MACROD2: variants seen among roughly 807,000 people sequenced by gnomAD.
MACROD2 encodes ADP-ribose glycohydrolase MACROD2.
A neutral mutation model predicts 70.4 loss-of-function variants in MACROD2; 36 were observed. The ratio of observed to expected loss-of-function variants is 0.51; its 90% CI spans 0.39 to 0.68. The LOEUF is 0.68. Ranked by LOEUF, MACROD2 falls within the 30% of genes least tolerant of loss-of-function variation. The pLI, the probability that MACROD2 is intolerant of heterozygous loss-of-function variation, is 0.00. For synonymous variants in MACROD2, 172 were observed against 178.8 expected, an observed-to-expected ratio of 0.96 and a Z score of 0.30; for missense variants, 496 against 538.4, an observed-to-expected ratio of 0.92 and a Z score of 0.78.
At chr20:15,495,812 A>G (rs2047289964) in intron 7 of MACROD2, among the ~76,000 whole-genome samples, 1 of 152,344 alleles carries the variant, frequency 6.6e-6, no homozygotes, top group East Asian at 1.9e-4. Flanking sequence ...GGTACATGGT[A>G]TTATGAAAAC....
chr20:14,557,051 G>C (rs940099429), intron 4 of MACROD2, among the ~76,000 whole-genome samples: 9 of 151,772 alleles, frequency 5.9e-5, no homozygotes, highest in African/African-American at 4.8e-5. Flanking sequence ...ATAGAATTAA[G>C]AGTCCAGAAA....
At chr20:14,813,172 A>T (rs1016776262) in intron 5 of MACROD2, among the ~76,000 whole-genome samples, 7 of 151,718 alleles carry the variant, frequency 4.6e-5, no homozygotes, top group Admixed American at 6.6e-5. Context: ...GAAAATTAAT[A>T]ATTTCTTTTT....
chr20:15,535,022 C>G (rs1293448391), intron 8 of MACROD2, among the ~76,000 whole-genome samples: 2 of 152,054 alleles, frequency 1.3e-5, no homozygotes, highest in African/African-American at 4.8e-5. Context: ...GTCACGCAGG[C>G]TGAAATACAG....
chr20:15,605,454 G>A (rs1279455817), intron 8 of MACROD2, among the ~76,000 whole-genome samples: 1 of 28,268 alleles, frequency 3.5e-5, no homozygotes, highest in Non-Finnish European at 6.1e-5. Context: ...GGATGTAAGC[G>A]TGTGTGTGTG....
chr20:15,101,761 A>T (rs984670977), intron 5 of MACROD2, among the ~76,000 whole-genome samples: 1 of 151,990 alleles, frequency 6.6e-6, no homozygotes, highest in African/African-American at 2.4e-5. Flanking sequence ...GTAATTTATA[A>T]TCTTAGAAGA....
intron 2 of MACROD2, among the ~76,000 whole-genome samples, chr20:14,008,429 C>G (rs1162586953): frequency 6.6e-6 from 1 of 152,118 alleles, no homozygotes; most frequent in East Asian, 1.9e-4. Context: ...AGTGAAGGAT[C>G]TCTTCAAGGA....
chr20:14,100,584 G>T (rs2054285049), intron 3 of MACROD2, among the ~76,000 whole-genome samples: 1 of 139,598 alleles, frequency 7.2e-6, no homozygotes, highest in African/African-American at 2.6e-5. Context: ...TCCCTATAGG[G>T]GATTTTAGAG....
intron 10 of MACROD2, among the ~76,000 whole-genome samples, chr20:15,910,279 C>T (rs1488889485): frequency 6.6e-6 from 1 of 152,094 alleles, no homozygotes; most frequent in African/African-American, 2.4e-5. Context: ...TCAGTGGCAC[C>T]AAGCGTTATT....
chr20:14,566,114 C>T (rs1001951512), intron 4 of MACROD2, among the ~76,000 whole-genome samples: 4 of 151,692 alleles, frequency 2.6e-5, no homozygotes, highest in South Asian at 2.1e-4. Flanking sequence ...ATTTGTAACT[C>T]GTGTGATAAA....
intron 5 of MACROD2, among the ~76,000 whole-genome samples, chr20:15,105,701 C>T (rs2075905466): frequency 6.6e-6 from 1 of 152,034 alleles, no homozygotes; most frequent in Admixed American, 6.6e-5. Context: ...TTCTGAACTC[C>T]CGGCACTAGA....
intron 12 of MACROD2, among the ~76,000 whole-genome samples, chr20:15,945,138 AT>A (rs1214956509): frequency 1.3e-5 from 2 of 152,218 alleles, no homozygotes; most frequent in Non-Finnish European, 2.9e-5. Flanking sequence ...TACCTAAAAA[AT>A]ATTTAGCATT....
chr20:14,228,476 T>C (rs555221821), intron 3 of MACROD2, among the ~76,000 whole-genome samples: 12 of 152,182 alleles, frequency 7.9e-5, no homozygotes, highest in African/African-American at 2.9e-4. Context: ...TAGCTGGGAC[T>C]ACGGGCATGT....
At chr20:14,765,980 T>A (rs1050013208) in intron 5 of MACROD2, among the ~76,000 whole-genome samples, 16 of 152,114 alleles carry the variant, frequency 1.1e-4, no homozygotes, top group African/African-American at 3.6e-4. Flanking sequence ...AAGCAGCACC[T>A]TAATCCACAT....
At chr20:15,216,313 A>C (rs551782099) in intron 5 of MACROD2, among the ~76,000 whole-genome samples, 66 of 152,252 alleles carry the variant, frequency 4.3e-4, no homozygotes, top group African/African-American at 1.5e-3. Flanking sequence ...GTACCCCAGA[A>C]ATATATACAC....
chr20:14,189,156 A>G (rs949252679), intron 3 of MACROD2, among the ~76,000 whole-genome samples: 3 of 152,104 alleles, frequency 2.0e-5, no homozygotes, highest in African/African-American at 4.8e-5. Context: ...TTAATGGTAC[A>G]TTATTATACA....
At chr20:14,463,029 G>T (rs992420486) in intron 3 of MACROD2, among the ~76,000 whole-genome samples, 15 of 152,050 alleles carry the variant, frequency 9.9e-5, no homozygotes, top group Admixed American at 5.9e-4. Flanking sequence ...CTGTATTTTG[G>T]TTCCATATGA....
At chr20:15,596,753 C>T (rs779305499) in intron 8 of MACROD2, among the ~76,000 whole-genome samples, 22 of 152,130 alleles carry the variant, frequency 1.4e-4, no homozygotes, top group Non-Finnish European at 2.5e-4. Flanking sequence ...ATTATGAGGC[C>T]GGAGCACTCC....
At chr20:16,030,230 A>G (rs933695685) in intron 15 of MACROD2, among the ~76,000 whole-genome samples, 4 of 152,218 alleles carry the variant, frequency 2.6e-5, no homozygotes, top group Non-Finnish European at 5.9e-5. Context: ...GCAACTGTGC[A>G]GACAAATTTG....
At chr20:15,154,052 C>T (rs1213583704) in intron 5 of MACROD2, among the ~76,000 whole-genome samples, 3 of 152,158 alleles carry the variant, frequency 2.0e-5, no homozygotes, top group African/African-American at 4.8e-5. Context: ...AATAGACTAT[C>T]CCCTACCTGA....
Sources: allele counts gnomAD v4.1 joint callset (sites outside exome capture counted in the v4.1 genomes callset), GRCh38; gene constraint gnomAD v4.1.1; transcripts MANE v1.5; gene names NCBI Gene and HGNC (gene_info 2026-07-23, HGNC 2026-07-21).